The following RAB3C variants were observed in gnomAD, a reference collection of about 807,000 sequenced individuals.
RAB3C encodes the protein RAB3C, member RAS oncogene family, also known as ras-related protein Rab-3C.
In RAB3C, 17 loss-of-function variants were observed where a neutral mutation model predicts 26.4. That is an observed-to-expected ratio of 0.64 (90% confidence interval 0.44 to 0.97). The LOEUF (loss-of-function observed/expected upper bound fraction) is 0.97. RAB3C is among the 50% of genes least tolerant of loss of function. The pLI is 0.00. For synonymous variants in RAB3C, 91 were observed against 95.9 expected (o/e 0.95, Z 0.30); for missense variants, 242 against 281.9 (o/e 0.86, Z 1.01).
At chr5:58,602,496 G>A (rs1012013473) in intron 1 of RAB3C, among the ~76,000 whole-genome samples, 8 of 152,032 alleles carry the variant, frequency 5.3e-5, no homozygotes, top group Non-Finnish European at 8.8e-5. Flanking sequence ...CATTTCTTAG[G>A]TCTGCTAATA....
chr5:58,719,495 G>A (rs999920595), intron 2 of RAB3C, among the ~76,000 whole-genome samples: 1 of 151,948 alleles, frequency 6.6e-6, no homozygotes, highest in Non-Finnish European at 1.5e-5. Flanking sequence ...TGATCATGAA[G>A]ATTGCAAAGT....
chr5:58,668,560 A>G lies in RAB3C; in HGVS notation c.252+50690A>G, dbSNP rs374998132. Among the ~76,000 whole-genome samples the G allele has an allele frequency of 3.9e-5, 6 of 152,278 alleles. No individual in the cohort carries two copies. The East Asian group carries it at 9.6e-4, about 24-fold the overall frequency. On this transcript the variant is annotated intron_variant, in intron 2 of 4. Transcript: ENST00000282878. Reference sequence around the variant, plus strand: ...CTATATGGAGATCACAGAGTTTTCAAATCCTGTCTTCTGAGTCCACATTAG... The same window carrying G: ...CTATATGGAGATCACAGAGTTTTCAGATCCTGTCTTCTGAGTCCACATTAG...
At chr5:58,655,302 G>T (rs1419620925) in intron 2 of RAB3C, among the ~76,000 whole-genome samples, 3 of 152,206 alleles carry the variant, frequency 2.0e-5, no homozygotes, top group African/African-American at 7.2e-5. Flanking sequence ...TTTGGCAAAA[G>T]GTTTTGCAGT....
At chr5:58,630,464 A>G (rs1747165042) in intron 2 of RAB3C, among the ~76,000 whole-genome samples, 2 of 152,252 alleles carry the variant, frequency 1.3e-5, no homozygotes, top group Non-Finnish European at 2.9e-5. Context: ...TTGTATGTAC[A>G]CATAAAGAAC....
At position 58,732,719 on chromosome 5, in the gene RAB3C, A is replaced by G. The variant is rs72762105; in HGVS notation, c.371+6599A>G. 4.2e-3 allele frequency among the ~76,000 whole-genome samples: 647 copies of G among 152,276 alleles called. 4 individuals are homozygous for G. Among genetic ancestry groups the G allele is most frequent in the Middle Eastern group, 0.024 (7 of 294 alleles). On this transcript the variant is annotated intron_variant, in intron 3 of 4. Coordinates refer to ENST00000282878, the MANE Select transcript of RAB3C (RefSeq NM_138453.4). Reference sequence around the variant, plus strand: ...GCTTTATGCCTTTGATAGGAGCTGGATAGGCAGTTTGATATGTAAAGTTAT... The same window carrying G: ...GCTTTATGCCTTTGATAGGAGCTGGGTAGGCAGTTTGATATGTAAAGTTAT...
At chr5:58,783,719 G>A (rs1742319617) in intron 3 of RAB3C, among the ~76,000 whole-genome samples, 1 of 152,176 alleles carries the variant, frequency 6.6e-6, no homozygotes, top group African/African-American at 2.4e-5. Flanking sequence ...ATGGCCAGTC[G>A]TGACCTGAGA....
At chr5:58,792,192 T>G (rs919275359) in intron 3 of RAB3C, among the ~76,000 whole-genome samples, 2 of 152,238 alleles carry the variant, frequency 1.3e-5, no homozygotes, top group Non-Finnish European at 2.9e-5. Flanking sequence ...GAGCTTATTA[T>G]AATAATTTAG....
chr5:58,847,712 T>C (rs1249100072), intron 4 of RAB3C, among the ~76,000 whole-genome samples: 1 of 152,132 alleles, frequency 6.6e-6, no homozygotes, highest in African/African-American at 2.4e-5. Flanking sequence ...TTTCTAAACA[T>C]CCCTGTACCC....
At chr5:58,839,345 TTTATTTTA>T (rs1044976483) in intron 4 of RAB3C, among the ~76,000 whole-genome samples, 33 of 47,704 alleles carry the variant, frequency 6.9e-4, no homozygotes, top group Non-Finnish European at 8.9e-4. Context: ...ATGATAAGTT[TTTATTTTA>T]TTTATTTATT....
rs572847848 is a variant in RAB3C, at chr5:58,620,787, A to AT, written c.252+2925dup. Among the ~76,000 whole-genome samples, 658 of 152,006 alleles carry AT rather than the reference A, an allele frequency of 4.3e-3. 4 individuals carry two copies. The highest frequency in any genetic ancestry group is 7.0e-3 in the Non-Finnish European group (473 of 67,962). ...AGTCTTCTTGACTAATGTGGTGGTT[A>AT]TTTTTTTTGAAAATGGCAATCTTGA... On this transcript the variant is annotated intron_variant, in intron 2 of 4. Transcript: ENST00000282878.
chr5:58,674,737 A>G (rs1748188127), intron 2 of RAB3C, among the ~76,000 whole-genome samples: 1 of 152,242 alleles, frequency 6.6e-6, no homozygotes, highest in South Asian at 2.1e-4. Context: ...TCTTTCTTAC[A>G]AAGAAAGTGC....
intron 2 of RAB3C, among the ~76,000 whole-genome samples, chr5:58,709,022 A>T (rs1040652788): frequency 6.6e-6 from 1 of 152,174 alleles, no homozygotes; most frequent in African/African-American, 2.4e-5. Context: ...ACATAAATCA[A>T]TATAGGTCCT....
At chr5:58,818,093 C>T (rs1017016185) in intron 3 of RAB3C, among the ~76,000 whole-genome samples, 32 of 152,158 alleles carry the variant, frequency 2.1e-4, no homozygotes, top group African/African-American at 6.5e-4. Flanking sequence ...AGACCCTAAT[C>T]GACAATTGTT....
At chr5:58,607,175 G>T (rs563933216) in intron 1 of RAB3C, among the ~76,000 whole-genome samples, 1 of 152,278 alleles carries the variant, frequency 6.6e-6, no homozygotes, top group Admixed American at 6.5e-5. Flanking sequence ...AAAAAGGTTA[G>T]ATGAATGGCT....
chr5:58,602,248 A>T (rs1232309753), intron 1 of RAB3C, among the ~76,000 whole-genome samples: 2 of 152,028 alleles, frequency 1.3e-5, no homozygotes, highest in Admixed American at 1.3e-4. Flanking sequence ...AAATTTTTTG[A>T]GGTTTCTTTT....
At chr5:58,731,300 A>T (rs1410701566) in intron 3 of RAB3C, among the ~76,000 whole-genome samples, 2 of 152,142 alleles carry the variant, frequency 1.3e-5, no homozygotes, top group East Asian at 3.9e-4. Context: ...TCTTTGGCCA[A>T]ATTCCCCAGT....
In RAB3C at chr5:58,633,361, T is replaced by C. The variant is rs146934327; in HGVS notation, c.252+15491T>C. 1.5e-3 allele frequency among the ~76,000 whole-genome samples: 229 copies of C among 152,164 alleles called. 2 individuals carry two copies. The highest frequency in any genetic ancestry group is 5.1e-3 in the African/African-American group (212 of 41,490). ...TCTTATGGAAAGAGCCCATAAAGTC[T>C]CTTAAAACTAGACTATAGGAAGGAA... is the stretch of plus-strand genomic sequence containing the variant. On this transcript the variant is annotated intron_variant, in intron 2 of 4. Transcript: ENST00000282878.
chr5:58,824,524 A>C (rs1478617459), intron 3 of RAB3C, among the ~76,000 whole-genome samples: 2 of 152,150 alleles, frequency 1.3e-5, no homozygotes, highest in Non-Finnish European at 2.9e-5. Context: ...AAAAATTATT[A>C]CTTCTCCCAG....
chr5:58,661,061 T>C lies in RAB3C; in HGVS notation c.252+43191T>C, dbSNP rs1458011538. Among the ~76,000 whole-genome samples, 3 of 150,130 alleles carry C rather than the reference T, an allele frequency of 2.0e-5. No homozygotes were observed. The South Asian group carries it at 6.2e-4, about 31-fold the overall frequency. On this transcript the variant is annotated intron_variant, in intron 2 of 4. Coordinates refer to ENST00000282878, the MANE Select transcript of RAB3C (RefSeq NM_138453.4). ...ATCAAAACATGATAATGTTCCTGCC[T>C]CCCCAAAATTCATCTCTTATTTTAA...
Sources: allele counts gnomAD v4.1 joint callset (sites outside exome capture counted in the v4.1 genomes callset), GRCh38; gene constraint gnomAD v4.1.1; transcripts MANE v1.5; gene names NCBI Gene and HGNC (gene_info 2026-07-23, HGNC 2026-07-21).